Variants in RAB31 observed in about 807,000 individuals in gnomAD.
RAB31 encodes RAB31, member RAS oncogene family, also known as ras-related protein Rab-31.
In RAB31, 21 loss-of-function variants were observed where a neutral mutation model predicts 25.6. The observed-to-expected ratio is 0.82, with a 90% confidence interval of 0.58 to 1.18. The LOEUF is 1.18. RAB31 is among the 50% of genes most tolerant of loss of function. RAB31 has a pLI of 0.00. For missense variants in RAB31, 196 were observed against 250.1 expected, an observed-to-expected ratio of 0.78 and a Z score of 1.46; for synonymous variants, 87 against 84.0, an observed-to-expected ratio of 1.04 and a Z score of -0.20.
intron 2 of RAB31, among the ~76,000 whole-genome samples, chr18:9,778,438 G>A (rs1402045947): frequency 5.3e-5 from 8 of 152,198 alleles, no homozygotes; most frequent in East Asian, 3.9e-4. Flanking sequence ...GCTGAGCCCC[G>A]AGTGGTTGAA....
intron 1 of RAB31, among the ~76,000 whole-genome samples, chr18:9,713,253 T>C (rs2068026952): frequency 6.6e-6 from 1 of 152,198 alleles, no homozygotes; most frequent in South Asian, 2.1e-4. Flanking sequence ...TTTCCAAGTC[T>C]GAGATTCTAG....
chr18:9,852,265 T>G (rs988493292), intron 6 of RAB31, among the ~76,000 whole-genome samples: 22 of 152,354 alleles, frequency 1.4e-4, no homozygotes, highest in Non-Finnish European at 2.6e-4. Flanking sequence ...CATAATTTTT[T>G]TAAACAATGA....
At chr18:9,728,329 C>T (rs1472660533) in intron 1 of RAB31, among the ~76,000 whole-genome samples, 1 of 152,164 alleles carries the variant, frequency 6.6e-6, no homozygotes, top group East Asian at 1.9e-4. Flanking sequence ...CAATAAAAAT[C>T]TTTGTACCTG....
In RAB31 at chr18:9,719,269, C is replaced by CAA. The variant is rs56291796; in HGVS notation, c.39+10854_39+10855dup. 2.0e-3 allele frequency among the ~76,000 whole-genome samples: 42 copies of CAA among 21,442 alleles called. 7 individuals are homozygous for CAA. The highest frequency in any genetic ancestry group is 6.5e-3 in the African/African-American group (19 of 2,912). The allele number at this position is 21,442 out of a possible 152,430, so 14.1% of individuals were successfully genotyped here. On this transcript the variant is annotated intron_variant, in intron 1 of 6. Coordinates refer to ENST00000578921, the MANE Select transcript of RAB31 (RefSeq NM_006868.4). Reference sequence around the variant, plus strand: ...CGGGTGACAGAGCAAGACTCTGTCTCAAAAAAAAAAAAAAAAAAAAAAAAA... The same window carrying CAA: ...CGGGTGACAGAGCAAGACTCTGTCTCAAAAAAAAAAAAAAAAAAAAAAAAAAA...
At chr18:9,807,237 G>C (rs576598406) in intron 3 of RAB31, among the ~76,000 whole-genome samples, 3 of 152,336 alleles carry the variant, frequency 2.0e-5, no homozygotes, top group Non-Finnish European at 4.4e-5. Flanking sequence ...GATGGGGCAT[G>C]TTCGGAGGCC....
chr18:9,732,302 A>T (rs549958632), intron 1 of RAB31, among the ~76,000 whole-genome samples: 1 of 151,842 alleles, frequency 6.6e-6, no homozygotes, highest in Non-Finnish European at 1.5e-5. Context: ...CAGGGGTTTC[A>T]TCAGAGCCCT....
At chr18:9,822,704 C>T (rs1393764243) in intron 5 of RAB31, among the ~76,000 whole-genome samples, 3 of 152,118 alleles carry the variant, frequency 2.0e-5, no homozygotes, top group Admixed American at 2.0e-4. Context: ...TATAAGGCGA[C>T]GTTCAATATC....
chr18:9,776,703 C>T (rs539165969), intron 2 of RAB31, among the ~76,000 whole-genome samples: 11 of 152,216 alleles, frequency 7.2e-5, no homozygotes, highest in Non-Finnish European at 1.6e-4. Context: ...AGAGTATTCA[C>T]AAAATAGGGT....
intron 5 of RAB31, among the ~76,000 whole-genome samples, chr18:9,832,720 A>C (rs2068685380): frequency 6.6e-6 from 1 of 152,220 alleles, no homozygotes; most frequent in Non-Finnish European, 1.5e-5. Flanking sequence ...GCAGTCCCTC[A>C]GCATCCCGGC....
At chr18:9,786,659 G>T (rs1283884795) in intron 2 of RAB31, 1 of 152,220 alleles carries the variant, frequency 6.6e-6, no homozygotes, top group Non-Finnish European at 1.5e-5. Flanking sequence ...GGTCATAGAG[G>T]TTCTCTTCTG....
At chr18:9,738,024 C>T (rs2068159304) in intron 1 of RAB31, among the ~76,000 whole-genome samples, 1 of 152,168 alleles carries the variant, frequency 6.6e-6, no homozygotes, top group Non-Finnish European at 1.5e-5. Flanking sequence ...CTGTGGCAAC[C>T]CCACGGGCCT....
chr18:9,716,566 G>T (rs934130746), intron 1 of RAB31, among the ~76,000 whole-genome samples: 1 of 152,100 alleles, frequency 6.6e-6, no homozygotes, highest in Non-Finnish European at 1.5e-5. Flanking sequence ...AATTGAGTGT[G>T]CTCAGTGTCT....
intron 1 of RAB31, among the ~76,000 whole-genome samples, chr18:9,742,210 G>A (rs1184624744): frequency 6.6e-6 from 1 of 152,216 alleles, no homozygotes; most frequent in African/African-American, 2.4e-5. Context: ...GGTTGGGTAA[G>A]AATCGCGATA....
At chr18:9,771,324 C>G (rs992342464) in intron 1 of RAB31, among the ~76,000 whole-genome samples, 1 of 152,124 alleles carries the variant, frequency 6.6e-6, no homozygotes, top group Non-Finnish European at 1.5e-5. Context: ...TTCCTCTTTA[C>G]CAAAACGAGG....
intron 3 of RAB31, among the ~76,000 whole-genome samples, chr18:9,800,843 A>G (rs2068510705): frequency 6.6e-6 from 1 of 152,138 alleles, no homozygotes; most frequent in South Asian, 2.1e-4. Flanking sequence ...CATACAATTT[A>G]TCCATCTAAA....
chr18:9,813,323 TC>T (rs962456362), intron 3 of RAB31, among the ~76,000 whole-genome samples: 59 of 152,170 alleles, frequency 3.9e-4, no homozygotes, highest in African/African-American at 1.4e-3. Context: ...TTGCCAGTGT[TC>T]CCTTTCCCTC....
Position 9,805,224 on chromosome 18 carries a change from C to G in RAB31, c.202-8796C>G, listed in dbSNP as rs1473854401. Among the ~76,000 whole-genome samples, 10 of 151,608 alleles carry G rather than the reference C, an allele frequency of 6.6e-5. No homozygotes were observed. The South Asian group carries it at 2.1e-3, about 32-fold the overall frequency. On this transcript the variant is annotated intron_variant, in intron 3 of 6. Coordinates refer to ENST00000578921, the MANE Select transcript of RAB31 (RefSeq NM_006868.4). The stretch of plus-strand genomic sequence containing the variant: ...TGAGCCGAGATTGCACCACTGCACT[C>G]CAGCCTGGGCAACAGAATGAGACCT...
At chr18:9,851,940 TATC>T (rs1411391070) in intron 6 of RAB31, among the ~76,000 whole-genome samples, 3 of 151,370 alleles carry the variant, frequency 2.0e-5, no homozygotes, top group African/African-American at 7.3e-5. Flanking sequence ...TATATTTCAA[TATC>T]ATATTTCATA....
At chr18:9,781,682 A>G (rs995056987) in intron 2 of RAB31, among the ~76,000 whole-genome samples, 11 of 152,086 alleles carry the variant, frequency 7.2e-5, no homozygotes, top group African/African-American at 2.7e-4. Context: ...ACCCTTATGT[A>G]TTGTCTTCTT....
Sources: gnomAD v4.1 joint callset for allele counts (sites outside exome capture counted in the v4.1 genomes callset) on GRCh38, gnomAD v4.1.1 for gene constraint, MANE v1.5 for transcripts, NCBI Gene and HGNC (gene_info 2026-07-23, HGNC 2026-07-21) for gene names.